Variants in MLLT1 observed in about 807,000 individuals in gnomAD.
MLLT1 encodes the protein protein ENL.
In MLLT1, 11 loss-of-function variants were observed where a neutral mutation model predicts 55.1. The ratio of observed to expected loss-of-function variants is 0.20; its 90% confidence interval spans 0.13 to 0.33. The LOEUF (loss-of-function observed/expected upper bound fraction) is 0.33. MLLT1 is among the 10% of genes least tolerant of loss of function. The pLI is 1.00. For synonymous variants in MLLT1, 323 were observed against 320.1 expected, an observed-to-expected ratio of 1.01 and a Z score of -0.10; for missense variants, 536 against 760.6, an observed-to-expected ratio of 0.70 and a Z score of 3.47.
Position 6,273,600 on chromosome 19 carries a change from T to C in MLLT1, c.13-2841A>G, listed in dbSNP as rs934015427. Among the ~76,000 whole-genome samples the C allele has an allele frequency of 2.0e-5, 3 of 152,186 alleles. No individual in the cohort carries two copies. The highest frequency in any genetic ancestry group is 7.2e-5 in the African/African-American group (3 of 41,440). Reference sequence around the variant, plus strand: ...CACTGACATTAGCCCCGAGCGGCCATGACCACCCTCTATGCTTACACGCCT... The same window carrying C: ...CACTGACATTAGCCCCGAGCGGCCACGACCACCCTCTATGCTTACACGCCT... On this transcript the variant is annotated intron_variant, in intron 1 of 11. Coordinates refer to ENST00000252674, the MANE Select transcript of MLLT1 (RefSeq NM_005934.4). This position sits in a 1 kb window ranked among gnomAD's most constrained non-coding sequence, Gnocchi z 4.3.
chr19:6,270,293 C>T lies in MLLT1; in HGVS notation c.193+286G>A, dbSNP rs1039792493. Among the ~76,000 whole-genome samples the T allele has an allele frequency of 2.0e-5, 3 of 151,510 alleles. No individual in the cohort carries two copies. Among genetic ancestry groups the T allele is most frequent in the African/African-American group, 7.3e-5 (3 of 41,204 alleles). On this transcript the variant is annotated intron_variant, in intron 2 of 11. Coordinates refer to ENST00000252674, the MANE Select transcript of MLLT1 (RefSeq NM_005934.4). This position sits in a 1 kb window ranked among gnomAD's most constrained non-coding sequence, Gnocchi z 7.1. ...TGATCACTCACCAGCCGGCTGACTT[C>T]ACCTGTCCCACCCATGCCAACCTGG...
chr19:6,242,990 G>A (rs537446463), intron 3 of MLLT1, among the ~76,000 whole-genome samples: 3 of 152,340 alleles, frequency 2.0e-5, no homozygotes, highest in South Asian at 2.1e-4. Flanking sequence ...GCATGAAAGC[G>A]ACAAAGGTGA....
intron 3 of MLLT1, among the ~76,000 whole-genome samples, chr19:6,239,556 T>A (rs999706379): frequency 1.3e-5 from 2 of 151,846 alleles, no homozygotes; most frequent in Non-Finnish European, 2.9e-5. Flanking sequence ...CACGCATGCG[T>A]ACACACACCC....
chr19:6,215,178 G>C (rs2090827385), intron 8 of MLLT1, among the ~76,000 whole-genome samples: 1 of 152,274 alleles, frequency 6.6e-6, no homozygotes, highest in Non-Finnish European at 1.5e-5. Flanking sequence ...GCAACGCAGG[G>C]ACAAGGCCGG....
intron 8 of MLLT1, among the ~76,000 whole-genome samples, chr19:6,215,793 C>A (rs2090837105): frequency 6.6e-6 from 1 of 152,144 alleles, no homozygotes. Context: ...GCCTGTGTGC[C>A]CGGGGCCAAG....
intron 3 of MLLT1, among the ~76,000 whole-genome samples, chr19:6,257,281 G>A (rs1940885285): frequency 6.6e-6 from 1 of 151,472 alleles, no homozygotes. Context: ...GCTGGGGTGG[G>A]AGGACTGCTT....
intron 3 of MLLT1, among the ~76,000 whole-genome samples, chr19:6,251,090 G>A (rs892692319): frequency 3.9e-5 from 6 of 152,130 alleles, no homozygotes; most frequent in African/African-American, 1.2e-4. Flanking sequence ...GAACAGTGGC[G>A]ATGGGGGGAA....
At chr19:6,216,007 A>G (rs2090839831) in intron 8 of MLLT1, among the ~76,000 whole-genome samples, 1 of 152,092 alleles carries the variant, frequency 6.6e-6, no homozygotes, top group Non-Finnish European at 1.5e-5. Context: ...TCCTCGCCCC[A>G]TGTAAGGCAG....
intron 1 of MLLT1, among the ~76,000 whole-genome samples, chr19:6,278,149 CCTCT>C (rs975739435): frequency 1.1e-4 from 17 of 152,320 alleles, no homozygotes; most frequent in South Asian, 2.1e-4. Context: ...CCCAACCTGC[CCTCT>C]CTAACGGCGG....
chr19:6,258,936 T>G (rs1254583004), intron 3 of MLLT1, among the ~76,000 whole-genome samples: 1 of 152,210 alleles, frequency 6.6e-6, no homozygotes, highest in Non-Finnish European at 1.5e-5. Context: ...GCCTACTATG[T>G]GCCACGCGCC....
intron 3 of MLLT1, among the ~76,000 whole-genome samples, chr19:6,258,996 A>G (rs1242526584): frequency 2.0e-5 from 3 of 152,204 alleles, no homozygotes; most frequent in Admixed American, 6.5e-5. Context: ...CTGATGCCTG[A>G]GAAGCAGACG....
intron 6 of MLLT1, among the ~76,000 whole-genome samples, chr19:6,218,812 T>C (rs774323456): frequency 2.0e-5 from 3 of 152,186 alleles, no homozygotes; most frequent in African/African-American, 4.8e-5. Flanking sequence ...GAGGGGCCCA[T>C]TGTTCTGGGC....
At chr19:6,272,055 G>A (rs367617970) in intron 1 of MLLT1, among the ~76,000 whole-genome samples, 4 of 152,182 alleles carry the variant, frequency 2.6e-5, no homozygotes, top group Non-Finnish European at 2.9e-5. Flanking sequence ...CGATGGAGCC[G>A]CTGGGGCAGG....
intron 5 of MLLT1, among the ~76,000 whole-genome samples, chr19:6,224,526 C>T (rs1194377051): frequency 6.6e-6 from 1 of 152,232 alleles, no homozygotes; most frequent in Non-Finnish European, 1.5e-5. Context: ...GGGTCACAGC[C>T]ACCAAGGGCA....
chr19:6,213,310 C>G (rs1398779573), intron 11 of MLLT1, 27 bp downstream of exon 11: 1 of 1,611,952 alleles, frequency 6.2e-7, no homozygotes. Flanking sequence ...CGACCTCTGC[C>G]GGGCAGGACC....
At chr19:6,259,791 AC>A (rs1449575821) in intron 3 of MLLT1, 6 of 127,556 alleles carry the variant, frequency 4.7e-5, no homozygotes, top group African/African-American at 1.1e-4. Flanking sequence ...ACACCAAGAA[AC>A]ATGACTTAAA....
In MLLT1 at chr19:6,219,923, C is replaced by T. The variant is rs966090873; in HGVS notation, c.1111-1882G>A. On this transcript the variant is annotated intron_variant, in intron 6 of 11. Coordinates refer to ENST00000252674, the MANE Select transcript of MLLT1 (RefSeq NM_005934.4). The surrounding 1 kb of genome is among the most constrained non-coding windows in gnomAD (Gnocchi z 4.5). ...CCAAGGGGCAGGGAGGAAAAGAATCCGGAAATGGTCTCAGCCAGAAGAGCC... is the reference window on the plus strand; with the variant it reads ...CCAAGGGGCAGGGAGGAAAAGAATCTGGAAATGGTCTCAGCCAGAAGAGCC... 3.3e-5 allele frequency among the ~76,000 whole-genome samples: 5 copies of T among 152,164 alleles called. No homozygotes were observed. Among genetic ancestry groups the T allele is most frequent in the African/African-American group, 1.2e-4 (5 of 41,424 alleles).
chr19:6,252,870 T>C (rs2091228770), intron 3 of MLLT1, among the ~76,000 whole-genome samples: 1 of 152,078 alleles, frequency 6.6e-6, no homozygotes, highest in African/African-American at 2.4e-5. Context: ...ACTACCAATC[T>C]TATAGAAATT....
chr19:6,251,798 C>T (rs1257640684), intron 3 of MLLT1, among the ~76,000 whole-genome samples: 2 of 151,482 alleles, frequency 1.3e-5, no homozygotes, highest in African/African-American at 2.4e-5. Context: ...AAAGAATGAA[C>T]GAATGAATAG....
Sources: allele counts gnomAD v4.1 joint callset (sites outside exome capture counted in the v4.1 genomes callset), GRCh38; gene constraint gnomAD v4.1.1; non-coding constraint Gnocchi (gnomAD v3.1); transcripts MANE v1.5; gene names NCBI Gene and HGNC (gene_info 2026-07-23, HGNC 2026-07-21).